PCDHA7: variants seen among roughly 807,000 people sequenced by gnomAD.
PCDHA7 encodes the protein protocadherin alpha 7.
PCDHA7 carries 37 observed loss-of-function variants against 57.2 expected under a neutral mutation model. That is an observed-to-expected ratio of 0.65 (90% confidence interval 0.50 to 0.85). PCDHA7 has a LOEUF of 0.85. Among genes scored for constraint, PCDHA7 ranks in the 40% least tolerant of loss-of-function variants. The pLI, the probability that PCDHA7 is intolerant of heterozygous loss-of-function variation, is 0.00. For synonymous variants in PCDHA7, 553 were observed against 558.8 expected (o/e 0.99, Z 0.15); for missense variants, 1,188 against 1,241.8 (o/e 0.96, Z 0.65).
intron 1 of PCDHA7, among the ~76,000 whole-genome samples, chr5:140,950,215 T>C (rs2094460409): frequency 6.6e-6 from 1 of 152,030 alleles, no homozygotes; most frequent in Non-Finnish European, 1.5e-5. Flanking sequence ...TACCTAGTCA[T>C]TTACCATTTC....
chr5:140,972,893 A>T (rs1452751778), intron 1 of PCDHA7, among the ~76,000 whole-genome samples: 1 of 151,858 alleles, frequency 6.6e-6, no homozygotes, highest in African/African-American at 2.4e-5. Context: ...CGATCTCTTG[A>T]CCTTGTGATC....
chr5:140,937,835 C>T (rs782666689), intron 1 of PCDHA7, among the ~76,000 whole-genome samples: 3 of 151,520 alleles, frequency 2.0e-5, no homozygotes, highest in Non-Finnish European at 2.9e-5. Context: ...TGGCATGAAC[C>T]TGGAAGGCGG....
chr5:140,841,394 A>G (rs2150314638), intron 1 of PCDHA7: 1 of 1,613,274 alleles, frequency 6.2e-7, no homozygotes, highest in East Asian at 2.2e-5. Context: ...CGCAGCCTGG[A>G]AGGTGGGGAG....
chr5:140,990,280 G>C (rs1224210562), intron 3 of PCDHA7, among the ~76,000 whole-genome samples: 1 of 152,264 alleles, frequency 6.6e-6, no homozygotes, highest in African/African-American at 2.4e-5. Context: ...CCCGGGTCTT[G>C]AGATTATCGA....
chr5:140,928,262 A>G, intron 1 of PCDHA7: 1 of 1,614,214 alleles, frequency 6.2e-7, no homozygotes, highest in Non-Finnish European at 8.5e-7. Flanking sequence ...GTTGCTGAAA[A>G]CAATGGCCCT....
intron 3 of PCDHA7, among the ~76,000 whole-genome samples, chr5:140,985,476 T>C (rs1554247100): frequency 6.6e-6 from 1 of 152,162 alleles, no homozygotes; most frequent in Admixed American, 6.6e-5. Flanking sequence ...ATTTGGTTGT[T>C]TCCAGACTCA....
chr5:140,845,835 C>T (rs917105315), intron 1 of PCDHA7, among the ~76,000 whole-genome samples: 3 of 149,588 alleles, frequency 2.0e-5, no homozygotes, highest in Non-Finnish European at 4.5e-5. Flanking sequence ...TATTACCATT[C>T]TTAAGAGAAA....
At chr5:141,003,689 A>G (rs2098134450) in intron 3 of PCDHA7, among the ~76,000 whole-genome samples, 3 of 152,228 alleles carry the variant, frequency 2.0e-5, no homozygotes, top group African/African-American at 7.2e-5. Flanking sequence ...ATTTTAAAAT[A>G]TATCCCTACC....
intron 1 of PCDHA7, chr5:140,871,090 A>G (rs782465793): frequency 1.2e-6 from 2 of 1,613,254 alleles, no homozygotes; most frequent in South Asian, 1.1e-5. Flanking sequence ...GGCCACGGCC[A>G]CCGTGCTGGT....
intron 1 of PCDHA7, among the ~76,000 whole-genome samples, chr5:140,957,345 A>G (rs1375707193): frequency 6.6e-6 from 1 of 152,170 alleles, no homozygotes; most frequent in Admixed American, 6.5e-5. Flanking sequence ...ATTTTGAGAG[A>G]GAGACCACAT....
chr5:140,928,821 C>T, intron 1 of PCDHA7: 2 of 1,614,142 alleles, frequency 1.2e-6, no homozygotes, highest in Non-Finnish European at 1.7e-6. Context: ...ACCATGGAGA[C>T]CCACCACTTT....
chr5:140,947,549 C>T (rs530708816), intron 1 of PCDHA7, among the ~76,000 whole-genome samples: 11 of 151,312 alleles, frequency 7.3e-5, no homozygotes, highest in Admixed American at 2.0e-4. Context: ...CAAAGAATTC[C>T]GCTGGGATTT....
intron 3 of PCDHA7, among the ~76,000 whole-genome samples, chr5:140,998,912 C>T (rs1256504660): frequency 6.6e-6 from 1 of 152,182 alleles, no homozygotes; most frequent in Admixed American, 6.6e-5. Context: ...CGGGAGGTAG[C>T]TATTATATCC....
intron 3 of PCDHA7, among the ~76,000 whole-genome samples, chr5:140,991,361 G>C (rs1183124741): frequency 6.6e-6 from 1 of 152,200 alleles, no homozygotes; most frequent in Non-Finnish European, 1.5e-5. Context: ...ACTATTTACT[G>C]TCTGAGTTCT....
intron 3 of PCDHA7, among the ~76,000 whole-genome samples, chr5:141,004,974 G>T (rs557503446): frequency 6.6e-6 from 1 of 152,302 alleles, no homozygotes; most frequent in South Asian, 2.1e-4. Context: ...CTGTAAATTT[G>T]CAGTATCATT....
rs548266069 is a variant in PCDHA7 at position 140,886,217 on chromosome 5, T to G, written c.2355+49479T>G. Among the ~76,000 whole-genome samples, 388 of 152,238 alleles carry G rather than the reference T, an allele frequency of 2.5e-3. 1 individual carries two copies. Among genetic ancestry groups the G allele is most frequent in the African/African-American group, 9.1e-3 (377 of 41,582 alleles). Reference sequence around the variant, plus strand: ...GTAATCTGTTCTCCATTTCTCTAATTTTGTTACTTTTACTTCAGAAATAAA... The same window carrying G: ...GTAATCTGTTCTCCATTTCTCTAATGTTGTTACTTTTACTTCAGAAATAAA... On this transcript the variant is annotated intron_variant, in intron 1 of 3. Coordinates refer to ENST00000525929, the MANE Select transcript of PCDHA7 (RefSeq NM_018910.3).
intron 1 of PCDHA7, chr5:140,884,516 T>C: frequency 6.2e-7 from 1 of 1,613,960 alleles, no homozygotes; most frequent in South Asian, 1.1e-5. Context: ...GAGTTGGTCG[T>C]ACTCGCAGCA....
At position 140,874,324 on chromosome 5, in the gene PCDHA7, C is replaced by A. The variant is rs1369470009; in HGVS notation, c.2355+37586C>A. On this transcript the variant is annotated intron_variant, in intron 1 of 3. Transcript: ENST00000525929. Reference sequence around the variant, plus strand: ...TTCACAATGAGTTGTAGGATCTTATCTGTTTTTTTCTCTTAAAGCTGATCT... The same window carrying A: ...TTCACAATGAGTTGTAGGATCTTATATGTTTTTTTCTCTTAAAGCTGATCT... Among the ~76,000 whole-genome samples the A allele has an allele frequency of 2.6e-5, 4 of 151,652 alleles. No individual in the cohort carries two copies. In the East Asian group the frequency reaches 7.7e-4, roughly 29 times the overall value.
intron 1 of PCDHA7, among the ~76,000 whole-genome samples, chr5:140,932,330 G>A (rs1339060592): frequency 6.6e-6 from 1 of 151,860 alleles, no homozygotes; most frequent in African/African-American, 2.4e-5. Context: ...TAGCAAAAAT[G>A]CATGAAACAC....
Sources: allele counts gnomAD v4.1 joint callset (sites outside exome capture counted in the v4.1 genomes callset), GRCh38; gene constraint gnomAD v4.1.1; transcripts MANE v1.5; gene names NCBI Gene and HGNC (gene_info 2026-07-23, HGNC 2026-07-21).